WASHC2A: variants seen among roughly 807,000 people sequenced by gnomAD.
The protein encoded by WASHC2A is WASH complex subunit FAM21A.
Under a neutral mutation model 140.3 loss-of-function variants are expected in WASHC2A, and 82 were observed. That is an observed-to-expected ratio of 0.58 (90% confidence interval 0.49 to 0.70). The LOEUF is 0.70. Among genes scored for constraint, WASHC2A ranks in the 30% least tolerant of loss-of-function variants. The probability of loss-of-function intolerance (pLI) is 0.00; values close to 1 mark genes in which losing one functional copy is unlikely to be tolerated. For missense variants in WASHC2A, 985 were observed against 1,521.8 expected (o/e 0.65, Z 5.87); for synonymous variants, 340 against 560.8 (o/e 0.61, Z 5.56).
rs1264248404 is a variant in WASHC2A, at chr10:50,126,158, A to G, written c.2790A>G (p.Ile930Met). 75 of 1,613,530 alleles carry G rather than the reference A, an allele frequency of 4.6e-5. No individual in the cohort carries two copies. The highest frequency in any genetic ancestry group is 6.1e-5 in the Non-Finnish European group (72 of 1,179,728). ...TTCAAGGTAGTAAAGAAAAAGGCAT[A>G]TGGAAGCCGGAAACACCTCAGGTTA... is the stretch of plus-strand genomic sequence containing the variant. ...ESIQGSKEKG[I>M]WKPETPQDSS... is the part of the protein sequence containing the mutation. Residue 930 changes from isoleucine (I) to methionine (M), a missense_variant, in exon 26 of 31, where the codon ATA becomes ATG. Transcript: ENST00000282633.
intron 2 of WASHC2A, among the ~76,000 whole-genome samples, chr10:50,069,297 G>A (rs1407057203): frequency 9.9e-5 from 15 of 150,912 alleles, no homozygotes; most frequent in African/African-American, 2.9e-4. Flanking sequence ...GTTGTGGCGG[G>A]CACCTGTAAT....
chr10:50,106,107 A>T (rs1421469801), intron 18 of WASHC2A, among the ~76,000 whole-genome samples: 1 of 150,538 alleles, frequency 6.6e-6, no homozygotes, highest in Non-Finnish European at 1.5e-5. Context: ...TCCTGCTTAT[A>T]TGCAGCTGTT....
chr10:50,124,063 GAAGT>G (rs1193757148), intron 23 of WASHC2A, among the ~76,000 whole-genome samples: 2 of 152,036 alleles, frequency 1.3e-5, no homozygotes, highest in South Asian at 2.1e-4. Flanking sequence ...TATTTTGTTA[GAAGT>G]AAGTTTTTCA....
chr10:50,090,378 G>A (rs1234475601), intron 8 of WASHC2A, among the ~76,000 whole-genome samples: 4 of 148,238 alleles, frequency 2.7e-5, no homozygotes, highest in South Asian at 4.2e-4. Context: ...TGGTGCATGC[G>A]TGTAATCCCA....
At chr10:50,105,358 C>G (rs1841653606) in intron 18 of WASHC2A, among the ~76,000 whole-genome samples, 2 of 145,092 alleles carry the variant, frequency 1.4e-5, no homozygotes, top group Non-Finnish European at 3.0e-5. Flanking sequence ...AACCAGGGAC[C>G]TGGGGCAAGT....
At position 50,097,801 on chromosome 10, in the gene WASHC2A, A is replaced by T. The variant is rs1840632061; in HGVS notation, c.1547A>T (p.Lys516Met). Residue 516 changes from lysine (K) to methionine (M), a missense_variant and splice_region_variant, in exon 16 of 31, where the codon AAG becomes ATG. Coordinates refer to ENST00000282633, the MANE Select transcript of WASHC2A (RefSeq NM_001005751.3). ...TDENKARAEK[K>M]VTLSSSKNLK... is the part of the protein sequence containing the mutation. ...GAAAATAAAGCAAGAGCAGAAAAAA[A>T]GGTGAGCAGGAGGGAAGACTTAACG... The T allele has an allele frequency of 6.2e-6, 10 of 1,609,356 alleles. No individual in the cohort carries two copies. The highest frequency in any genetic ancestry group is 1.7e-5 in the Admixed American group (1 of 59,136).
chr10:50,092,260 T>C, intron 11 of WASHC2A, 27 bp downstream of exon 11: 4 of 1,391,690 alleles, frequency 2.9e-6, no homozygotes, highest in African/African-American at 1.4e-5. Flanking sequence ...AATTCTGTTA[T>C]TTTAGGAGCC....
chr10:50,076,041 AG>A (rs1228063444), intron 3 of WASHC2A, among the ~76,000 whole-genome samples: 4 of 151,622 alleles, frequency 2.6e-5, no homozygotes, highest in African/African-American at 9.7e-5. Flanking sequence ...CAGCCTCCTG[AG>A]TAGCTGGGAT....
At position 50,126,138 on chromosome 10, in the gene WASHC2A, G is replaced by A. The variant is rs782423588; in HGVS notation, c.2770G>A (p.Gly924Ser). The change falls in exon 26 of 31, where the codon GGT becomes AGT. Residue 924 changes from glycine to serine, a missense_variant. Physicochemically the swap from Gly to Ser is moderately conservative, Grantham distance 56. Transcript: ENST00000282633. ...CCAGAAACATCCTGAATCCATTCAAGGTAGTAAAGAAAAAGGCATATGGAA... is the reference window on the plus strand; with the variant it reads ...CCAGAAACATCCTGAATCCATTCAAAGTAGTAAAGAAAAAGGCATATGGAA... ...KNQKHPESIQ[G>S]SKEKGIWKPE... is the part of the protein sequence containing the mutation. 5.0e-6 allele frequency: 8 copies of A among 1,613,518 alleles called. No homozygotes were observed. The highest frequency in any genetic ancestry group is 1.1e-5 in the South Asian group (1 of 91,054).
chr10:50,102,733 G>T (rs1774114239), intron 17 of WASHC2A, among the ~76,000 whole-genome samples: 1 of 148,778 alleles, frequency 6.7e-6, no homozygotes, highest in Non-Finnish European at 1.5e-5. Context: ...TTCGGCTCTT[G>T]TGTATTGAAG....
rs771441690 is a variant in WASHC2A, at chr10:50,132,826, A to G, written c.3907A>G (p.Ile1303Val). The change falls in exon 31 of 31, where the codon ATC becomes GTC. Residue 1303 changes from isoleucine to valine, a missense_variant. Coordinates refer to ENST00000282633, the MANE Select transcript of WASHC2A (RefSeq NM_001005751.3). ...DDMDDIFSSG[I>V]QAKTTKPKSR... is the part of the protein sequence containing the mutation. Reference sequence around the variant, plus strand: ...TAAAGATGACATCTTCTCCTCTGGTATCCAGGCTAAGACAACCAAACCAAA... The same window carrying G: ...TAAAGATGACATCTTCTCCTCTGGTGTCCAGGCTAAGACAACCAAACCAAA... 5 of 1,611,872 alleles carry G rather than the reference A, an allele frequency of 3.1e-6. No individual in the cohort carries two copies. Among genetic ancestry groups the G allele is most frequent in the East Asian group, 2.2e-5 (1 of 44,892 alleles).
intron 20 of WASHC2A, among the ~76,000 whole-genome samples, chr10:50,113,057 T>C (rs1465219272): frequency 4.8e-4 from 73 of 152,248 alleles, no homozygotes; most frequent in African/African-American, 1.6e-3. Context: ...AAGAAAACCA[T>C]TGAAGTACGC....
At chr10:50,072,895 A>T (rs1225564980) in intron 3 of WASHC2A, among the ~76,000 whole-genome samples, 24 of 152,236 alleles carry the variant, frequency 1.6e-4, no homozygotes, top group Non-Finnish European at 4.4e-5. Flanking sequence ...TATCAGAAAC[A>T]TTCAAAGTCA....
rs370363522 is a variant in WASHC2A, at chr10:50,104,030, T to G, written c.1636-12T>G. 329 of 1,545,704 alleles carry G rather than the reference T, an allele frequency of 2.1e-4. 2 individuals carry two copies. In the African/African-American group the frequency reaches 3.9e-3, roughly 18 times the overall value. On this transcript the variant is annotated splice_polypyrimidine_tract_variant and intron_variant, in intron 17 of 30. Coordinates refer to ENST00000282633, the MANE Select transcript of WASHC2A (RefSeq NM_001005751.3). ...TTCCTGTTAACCAGCAACTTTAATT[T>G]CAATCCAACAGGATTTGTTTTCTTC...
At chr10:50,095,398 CT>C (rs1241825399) in intron 14 of WASHC2A, among the ~76,000 whole-genome samples, 191 bp downstream of exon 14, 2 of 152,136 alleles carry the variant, frequency 1.3e-5, no homozygotes, top group African/African-American at 4.8e-5. Flanking sequence ...TGGCCTTGGA[CT>C]TTTTTGTGTT....
chr10:50,078,531 C>G, intron 3 of WASHC2A, 144 bp from the exon 4 acceptor site: 1 of 1,579,128 alleles, frequency 6.3e-7, no homozygotes, highest in Non-Finnish European at 8.6e-7. Flanking sequence ...GTTACGGACA[C>G]CCACCTGGTA....
chr10:50,068,321 C>G (rs1359521250), intron 2 of WASHC2A, 94 bp downstream of exon 2: 29 of 1,295,186 alleles, frequency 2.2e-5, no homozygotes, highest in South Asian at 3.0e-5. Flanking sequence ...GCACCTGGCC[C>G]GTCCCGTTGC....
Position 50,104,159 on chromosome 10 carries a change from G to T in WASHC2A, c.1737+16G>T. ...AGATGAAGAGGTAAACATTGTTATTGTAACACTAGATAATTTAGATTAGGA... is the reference window on the plus strand; with the variant it reads ...AGATGAAGAGGTAAACATTGTTATTTTAACACTAGATAATTTAGATTAGGA... On this transcript the variant is annotated intron_variant, in intron 18 of 30. Transcript: ENST00000282633. The T allele has an allele frequency of 6.6e-7, 1 of 1,522,724 alleles. No individual in the cohort carries two copies. The highest frequency in any genetic ancestry group is 1.1e-5 in the South Asian group (1 of 88,100). 94.3% of individuals were successfully genotyped at this position (1,522,724 alleles called of 1,614,324 possible).
chr10:50,090,522 ATATATATATT>A (rs1376278252), intron 8 of WASHC2A, among the ~76,000 whole-genome samples: 1 of 135,874 alleles, frequency 7.4e-6, no homozygotes, highest in Non-Finnish European at 1.6e-5. Flanking sequence ...AAAAATATAT[ATATATATATT>A]TATATTTATA....
Sources: gnomAD v4.1 joint callset for allele counts (sites outside exome capture counted in the v4.1 genomes callset) on GRCh38, gnomAD v4.1.1 for gene constraint, MANE v1.5 for transcripts, NCBI Gene and HGNC (gene_info 2026-07-23, HGNC 2026-07-21) for gene names.